GPM6A: variants seen among roughly 807,000 people sequenced by gnomAD.
The protein encoded by GPM6A is neuronal membrane glycoprotein M6-a.
GPM6A carries 7 observed loss-of-function variants against 32.1 expected under a neutral mutation model. The observed-to-expected ratio is 0.22, with a 90% CI of 0.12 to 0.41. The LOEUF is 0.41. Among genes scored for constraint, GPM6A ranks in the 10% least tolerant of loss-of-function variants. The pLI, the probability that GPM6A is intolerant of heterozygous loss-of-function variation, is 1.00. For missense variants in GPM6A, 235 were observed against 347.2 expected, an observed-to-expected ratio of 0.68 and a Z score of 2.57; for synonymous variants, 130 against 123.4, an observed-to-expected ratio of 1.05 and a Z score of -0.35.
chr4:175,636,287 T>C (rs867016266), intron 6 of GPM6A, among the ~76,000 whole-genome samples: 4 of 123,146 alleles, frequency 3.2e-5, no homozygotes, highest in Non-Finnish European at 3.7e-5. Flanking sequence ...TATATATATA[T>C]ATATATATAT....
intron 1 of GPM6A, among the ~76,000 whole-genome samples, chr4:175,881,143 A>G (rs1737261768): frequency 6.6e-6 from 1 of 152,224 alleles, no homozygotes; most frequent in Admixed American, 6.5e-5. Flanking sequence ...AAACAAATTT[A>G]CAAGAAAAAA....
intron 1 of GPM6A, among the ~76,000 whole-genome samples, chr4:175,914,352 C>T (rs995220821): frequency 6.6e-6 from 1 of 152,192 alleles, no homozygotes; most frequent in Admixed American, 6.5e-5. Flanking sequence ...GACAGAGTCT[C>T]ACTCTATAGC....
intron 1 of GPM6A, among the ~76,000 whole-genome samples, chr4:175,998,404 G>A (rs982242630): frequency 6.6e-6 from 1 of 152,086 alleles, no homozygotes; most frequent in South Asian, 2.1e-4. Flanking sequence ...CACCCAGCTC[G>A]TCCTGCCTCT....
intron 1 of GPM6A, among the ~76,000 whole-genome samples, chr4:175,840,265 G>T (rs1451630829): frequency 6.6e-6 from 1 of 152,152 alleles, no homozygotes. Flanking sequence ...TACTTAGTGA[G>T]TTAGAAAAAA....
chr4:175,796,097 T>A (rs1734216662), intron 1 of GPM6A, among the ~76,000 whole-genome samples: 1 of 152,246 alleles, frequency 6.6e-6, no homozygotes, highest in African/African-American at 2.4e-5. Flanking sequence ...TATGTTTGGA[T>A]GCTGTTTTAG....
chr4:175,706,572 C>T (rs1745201611), intron 1 of GPM6A, among the ~76,000 whole-genome samples: 2 of 152,156 alleles, frequency 1.3e-5, no homozygotes, highest in African/African-American at 4.8e-5. Flanking sequence ...GATTGCTCTT[C>T]TCCTGACCTA....
At chr4:175,687,120 G>A (rs1303915920) in intron 2 of GPM6A, among the ~76,000 whole-genome samples, 3 of 152,146 alleles carry the variant, frequency 2.0e-5, no homozygotes, top group African/African-American at 7.2e-5. Flanking sequence ...AGCTACTTTA[G>A]AATGTTTAGG....
chr4:175,818,444 A>G lies in GPM6A; in HGVS notation c.-22-6195T>C, dbSNP rs1173449964. Among the ~76,000 whole-genome samples, 7 of 152,194 alleles carry G rather than the reference A, an allele frequency of 4.6e-5. 1 individual carries two copies. Among genetic ancestry groups the G allele is most frequent in the Non-Finnish European group, 7.4e-5 (5 of 67,974 alleles). ...CAATATACATATAGATATAGTCTGCAATATATATATAGAGAGAGAGTCAGT... is the reference window on the plus strand; with the variant it reads ...CAATATACATATAGATATAGTCTGCGATATATATATAGAGAGAGAGTCAGT... On this transcript the variant is annotated intron_variant, in intron 1 of 7. Transcript: ENST00000280187.
At chr4:175,819,145 G>T (rs1735200574) in intron 1 of GPM6A, among the ~76,000 whole-genome samples, 1 of 152,064 alleles carries the variant, frequency 6.6e-6, no homozygotes, top group South Asian at 2.1e-4. Context: ...AGCATGAGGG[G>T]TTAAAAACTA....
At chr4:175,900,364 A>G (rs1201675261) in intron 1 of GPM6A, among the ~76,000 whole-genome samples, 1 of 150,470 alleles carries the variant, frequency 6.6e-6, no homozygotes, top group Admixed American at 6.7e-5. Context: ...AAAGGAAAGG[A>G]AAAGAAAGGA....
intron 1 of GPM6A, among the ~76,000 whole-genome samples, chr4:175,736,912 CAT>C (rs1398791188): frequency 6.6e-6 from 1 of 152,162 alleles, no homozygotes; most frequent in African/African-American, 2.4e-5. Context: ...GCATTAGTCA[CAT>C]ATCTTTGGTG....
intron 1 of GPM6A, among the ~76,000 whole-genome samples, chr4:175,783,303 A>G (rs1392788191): frequency 6.6e-6 from 1 of 152,014 alleles, no homozygotes; most frequent in South Asian, 2.1e-4. Context: ...TAATTTTTTT[A>G]AAAATAATGG....
intron 1 of GPM6A, among the ~76,000 whole-genome samples, chr4:175,998,514 C>A (rs576769121): frequency 2.0e-5 from 3 of 152,314 alleles, no homozygotes; most frequent in African/African-American, 4.8e-5. Context: ...CCAAAACATG[C>A]AGAAAGTAAA....
intron 1 of GPM6A, among the ~76,000 whole-genome samples, chr4:175,722,600 C>CTG (rs1454676786): frequency 2.0e-5 from 3 of 152,058 alleles, no homozygotes; most frequent in African/African-American, 4.8e-5. Flanking sequence ...TTTTACCAAC[C>CTG]TGTGAGTGGA....
At chr4:175,661,882 G>T (rs559427341) in intron 3 of GPM6A, among the ~76,000 whole-genome samples, 1 of 151,754 alleles carries the variant, frequency 6.6e-6, no homozygotes, top group Non-Finnish European at 1.5e-5. Flanking sequence ...TATCATATAC[G>T]TGTGTCAATC....
intron 1 of GPM6A, among the ~76,000 whole-genome samples, chr4:175,901,875 A>G (rs1737979924): frequency 6.6e-6 from 1 of 151,620 alleles, no homozygotes; most frequent in Non-Finnish European, 1.5e-5. Context: ...TGATCCACCC[A>G]CCTCAGCCTC....
intron 1 of GPM6A, among the ~76,000 whole-genome samples, chr4:175,782,387 T>C (rs961923607): frequency 1.3e-5 from 2 of 152,096 alleles, no homozygotes; most frequent in Admixed American, 1.3e-4. Flanking sequence ...AAGTCACCCT[T>C]ATGCAGAATC....
intron 1 of GPM6A, among the ~76,000 whole-genome samples, chr4:175,736,204 T>C (rs766640722): frequency 1.6e-4 from 25 of 152,006 alleles, no homozygotes; most frequent in Non-Finnish European, 3.1e-4. Context: ...TGTGTAGAGA[T>C]GGCATCTTGC....
chr4:175,846,061 C>A (rs193219694), intron 1 of GPM6A, among the ~76,000 whole-genome samples: 197 of 152,142 alleles, frequency 1.3e-3, no homozygotes, highest in Admixed American at 6.7e-3. Context: ...ACACCCTCCA[C>A]CCCCATAAGA....
Sources: allele counts gnomAD v4.1 joint callset (sites outside exome capture counted in the v4.1 genomes callset), GRCh38; gene constraint gnomAD v4.1.1; transcripts MANE v1.5; gene names NCBI Gene and HGNC (gene_info 2026-07-23, HGNC 2026-07-21).